PIN1: variants seen among roughly 807,000 people sequenced by gnomAD.
The protein encoded by PIN1 is peptidyl-prolyl cis-trans isomerase NIMA-interacting 1.
PIN1 carries 8 observed loss-of-function variants against 19.9 expected under a neutral mutation model. That is an observed-to-expected ratio of 0.40 (90% CI 0.24 to 0.72). The LOEUF (loss-of-function observed/expected upper bound fraction) is 0.72. PIN1 is among the 30% of genes least tolerant of loss of function. The probability of loss-of-function intolerance (pLI) is 0.37; values close to 1 mark genes in which losing one functional copy is unlikely to be tolerated. For missense variants in PIN1, 185 were observed against 226.5 expected, an observed-to-expected ratio of 0.82 and a Z score of 1.18; for synonymous variants, 86 against 90.8, an observed-to-expected ratio of 0.95 and a Z score of 0.30.
Position 9,838,581 on chromosome 19 carries a change from G to T in PIN1, c.204G>T (p.Arg68=). The T allele has an allele frequency of 6.4e-7, 1 of 1,564,640 alleles. No homozygotes were observed. The highest frequency in any genetic ancestry group is 8.7e-7 in the Non-Finnish European group (1 of 1,154,892). The change falls in exon 2 of 4, where the codon CGG becomes CGT. Residue 68 remains arginine (R), a synonymous_variant. Transcript: ENST00000247970. This position sits in a 1 kb window ranked among gnomAD's most constrained non-coding sequence, Gnocchi z 5.8. ...TGCTGGTGAAGCACAGCCAGTCACG[G>T]CGGCCCTCGTCCTGGCGGCAGGAGA... ...SHLLVKHSQS[R]RPSSWRQEKI...
rs774621623 is a variant in PIN1 at position 9,848,030 on chromosome 19, G to A, written c.272G>A (p.Gly91Asp). Residue 91 changes from glycine (G) to aspartate (D), a missense_variant and splice_region_variant, in exon 3 of 4, where the codon GGC becomes GAC. Transcript: ENST00000247970. ...TKEEALELIN[G>D]YIQKIKSGEE... The stretch of plus-strand genomic sequence containing the variant: ...CTCCCATTCCGTTCCATGTCCACAG[G>A]CTACATCCAGAAGATCAAGTCGGGA... The A allele has an allele frequency of 1.3e-6, 2 of 1,598,460 alleles. No homozygotes were observed. Among genetic ancestry groups the A allele is most frequent in the Non-Finnish European group, 1.7e-6 (2 of 1,166,188 alleles).
chr19:9,848,326 AG>A (rs2046242395), intron 3 of PIN1, 186 bp downstream of exon 3: 6 of 604,208 alleles, frequency 9.9e-6, no homozygotes, highest in Non-Finnish European at 1.8e-5. Context: ...CCACACAGGG[AG>A]GGGGGCTGCA....
Position 9,835,501 on chromosome 19 carries a change from A to C in PIN1, c.58+99A>C, listed in dbSNP as rs1026130290. The C allele has an allele frequency of 5.3e-4, 428 of 810,268 alleles. 3 individuals carry two copies. The African/African-American group carries it at 7.2e-3, about 14-fold the overall frequency. 50.2% of individuals were successfully genotyped at this position (810,268 alleles called of 1,614,324 possible). A position where few individuals can be genotyped will look rare whatever the true frequency, so the allele number is the denominator to read the frequency against. On this transcript the variant is annotated intron_variant, in intron 1 of 3. Transcript: ENST00000247970. Reference sequence around the variant, plus strand: ...GCGGCGGCAGCGCTGCCTCCCTCCCATGGGGTCCTGGCTCTTCCGCGTCGT... The same window carrying C: ...GCGGCGGCAGCGCTGCCTCCCTCCCCTGGGGTCCTGGCTCTTCCGCGTCGT...
intron 2 of PIN1, among the ~76,000 whole-genome samples, chr19:9,839,417 A>G (rs1268552622): frequency 7.1e-6 from 1 of 141,144 alleles, no homozygotes; most frequent in Non-Finnish European, 1.6e-5. Flanking sequence ...CACCATCTCA[A>G]AAAAAAAAAA....
chr19:9,848,975 GTGTGA>G, intron 3 of PIN1, 110 bp from the exon 4 acceptor site: 2 of 692,978 alleles, frequency 2.9e-6, no homozygotes, highest in Admixed American at 4.3e-5. Flanking sequence ...GTGTGGACGA[GTGTGA>G]GGCTCAGCGC....
At chr19:9,844,418 G>C (rs2145415705) in intron 2 of PIN1, among the ~76,000 whole-genome samples, 1 of 152,330 alleles carries the variant, frequency 6.6e-6, no homozygotes, top group East Asian at 1.9e-4. Flanking sequence ...ACCTGATGGA[G>C]TCTGGAGTCA....
At chr19:9,836,854 G>A in intron 1 of PIN1, 1 of 1,286,986 alleles carries the variant, frequency 7.8e-7, no homozygotes, top group Middle Eastern at 3.3e-4. Context: ...ACCCACTGCT[G>A]CCATTCCCAG....
rs150496788 is a variant in PIN1, at chr19:9,849,148, C to T, written c.441C>T (p.Ser147=). 6 of 1,613,546 alleles carry T rather than the reference C, an allele frequency of 3.7e-6. No individual in the cohort carries two copies. The African/African-American group carries it at 5.3e-5, about 14-fold the overall frequency. Residue 147 remains serine (S), a synonymous_variant, in exon 4 of 4, where the codon AGC becomes AGT. Transcript: ENST00000247970. ...TTGCGCTGCGGACGGGGGAGATGAG[C>T]GGGCCCGTGTTCACGGATTCCGGCA... is the stretch of plus-strand genomic sequence containing the variant. The part of the protein sequence containing the change: ...ASFALRTGEM[S]GPVFTDSGIH...
chr19:9,847,769 C>T (rs959764869), intron 2 of PIN1, among the ~76,000 whole-genome samples: 5 of 152,166 alleles, frequency 3.3e-5, no homozygotes, highest in Admixed American at 2.6e-4. Context: ...GGTGGCAGGG[C>T]TCATGGATGA....
chr19:9,845,187 A>G (rs2046207668), intron 2 of PIN1, among the ~76,000 whole-genome samples: 1 of 152,168 alleles, frequency 6.6e-6, no homozygotes, highest in African/African-American at 2.4e-5. Context: ...AACAAGACAC[A>G]CAGGACCAAA....
In PIN1 at chr19:9,849,586, T is replaced by G; in HGVS notation, c.*387T>G. ...TGTTTCTAGTTAGGCCACGCTCCTC[T>G]GTTCAGTCGCAAAGGTGAACACTCA... On this transcript the variant is annotated 3_prime_UTR_variant, in exon 4 of 4. Transcript: ENST00000247970. 1.8e-6 allele frequency: 1 copy of G among 548,878 alleles called. No individual in the cohort carries two copies. Among genetic ancestry groups the G allele is most frequent in the Non-Finnish European group, 3.6e-6 (1 of 279,934 alleles). 34.0% of individuals were successfully genotyped at this position (548,878 alleles called of 1,614,324 possible). A position where few individuals can be genotyped will look rare whatever the true frequency, so the allele number is the denominator to read the frequency against.
chr19:9,839,338 G>T (rs1453141454), intron 2 of PIN1, among the ~76,000 whole-genome samples: 1 of 151,304 alleles, frequency 6.6e-6, no homozygotes. Context: ...GGAGGCTGAG[G>T]CAGGGAGGCA....
chr19:9,847,956 G>C, intron 2 of PIN1, 74 bp from the exon 3 acceptor site: 1 of 913,396 alleles, frequency 1.1e-6, no homozygotes, highest in South Asian at 1.3e-5. Context: ...GCCAGCTCTG[G>C]AGTCCTCCAT....
intron 2 of PIN1, among the ~76,000 whole-genome samples, chr19:9,840,205 G>A (rs749167933): frequency 2.6e-5 from 4 of 152,040 alleles, no homozygotes; most frequent in Admixed American, 1.3e-4. Flanking sequence ...TGGCTAACAC[G>A]GTGAAACCCT....
intron 3 of PIN1, chr19:9,848,690 G>T: frequency 3.4e-6 from 1 of 292,148 alleles, no homozygotes. Context: ...AGGGTGTGGT[G>T]TGCAGGTGTC....
At chr19:9,840,698 G>A (rs560653413) in intron 2 of PIN1, among the ~76,000 whole-genome samples, 1 of 152,298 alleles carries the variant, frequency 6.6e-6, no homozygotes, top group South Asian at 2.1e-4. Flanking sequence ...TTGGGATCAG[G>A]TGATCCTCCC....
intron 2 of PIN1, among the ~76,000 whole-genome samples, chr19:9,839,492 C>T (rs2046143661): frequency 6.6e-6 from 1 of 152,038 alleles, no homozygotes; most frequent in Admixed American, 6.6e-5. Flanking sequence ...GAAGCTATTC[C>T]CTGCTCTGTT....
At chr19:9,842,335 C>T (rs1568360158) in intron 2 of PIN1, among the ~76,000 whole-genome samples, 1 of 152,178 alleles carries the variant, frequency 6.6e-6, no homozygotes, top group Non-Finnish European at 1.5e-5. Context: ...GGCTGGATTT[C>T]AGTGCCAGCT....
chr19:9,845,377 TTTTGTTTGTTTG>T (rs58093619), intron 2 of PIN1, among the ~76,000 whole-genome samples: 7 of 48,452 alleles, frequency 1.4e-4, no homozygotes, highest in East Asian at 3.9e-4. Context: ...GAAAGCGTTT[TTTTGTTTGTTTG>T]TTTGTTTGTT....
Sources: allele counts gnomAD v4.1 joint callset (sites outside exome capture counted in the v4.1 genomes callset), GRCh38; gene constraint gnomAD v4.1.1; non-coding constraint Gnocchi (gnomAD v3.1); transcripts MANE v1.5; gene names NCBI Gene and HGNC (gene_info 2026-07-23, HGNC 2026-07-21).